ADAP2: variants seen among roughly 807,000 people sequenced by gnomAD.
The protein encoded by ADAP2 is arf-GAP with dual PH domain-containing protein 2.
ADAP2 carries 42 observed loss-of-function variants against 54.9 expected under a neutral mutation model. The ratio of observed to expected loss-of-function variants is 0.77; its 90% CI spans 0.60 to 0.99. ADAP2 has a LOEUF of 0.99. Ranked by LOEUF, ADAP2 falls within the 50% of genes least tolerant of loss-of-function variation. ADAP2 has a pLI of 0.00. For missense variants in ADAP2, 429 were observed against 480.4 expected (o/e 0.89, Z 1.00); for synonymous variants, 177 against 180.1 (o/e 0.98, Z 0.14).
chr17:30,953,109 C>G (rs768057029), intron 7 of ADAP2, among the ~76,000 whole-genome samples, 179 bp from the exon 8 acceptor site: 1 of 152,124 alleles, frequency 6.6e-6, no homozygotes, highest in Non-Finnish European at 1.5e-5. Flanking sequence ...GGGGTGCTGT[C>G]GACTGGCTTT....
chr17:30,931,446 A>T (rs1911475038), intron 3 of ADAP2, among the ~76,000 whole-genome samples: 4 of 152,164 alleles, frequency 2.6e-5, no homozygotes, highest in Admixed American at 1.3e-4. Context: ...CCCGAATGTT[A>T]ACAGTACTGA....
chr17:30,945,189 C>T, intron 6 of ADAP2, 136 bp downstream of exon 6: 1 of 1,014,530 alleles, frequency 9.9e-7, no homozygotes, highest in East Asian at 2.6e-5. Flanking sequence ...TTGCCTTAAT[C>T]TATCATTGCC....
intron 5 of ADAP2, among the ~76,000 whole-genome samples, chr17:30,940,526 A>G (rs1035983994): frequency 6.6e-6 from 1 of 152,068 alleles, no homozygotes; most frequent in Admixed American, 6.6e-5. Flanking sequence ...GCTGGTCTCG[A>G]ACTCCTGACC....
At chr17:30,935,562 G>C (rs1457766491) in intron 5 of ADAP2, among the ~76,000 whole-genome samples, 1 of 152,100 alleles carries the variant, frequency 6.6e-6, no homozygotes, top group Non-Finnish European at 1.5e-5. Flanking sequence ...GGGAGGAACA[G>C]TATGTGCAGA....
chr17:30,957,776 C>T, intron 10 of ADAP2, 59 bp from the exon 11 acceptor site: 1 of 1,554,496 alleles, frequency 6.4e-7, no homozygotes, highest in Non-Finnish European at 8.9e-7. Flanking sequence ...CTGTCCCTCT[C>T]CTCCACAGGA....
At chr17:30,946,460 C>A (rs11868597) in intron 6 of ADAP2, among the ~76,000 whole-genome samples, 20,426 of 152,042 alleles carry the variant, frequency 0.13, 4,273 homozygotes, top group African/African-American at 0.45. Flanking sequence ...CTCAAGTGAT[C>A]TGCCCACCTT....
intron 10 of ADAP2, chr17:30,956,784 C>G: frequency 5.1e-6 from 2 of 389,800 alleles, no homozygotes; most frequent in South Asian, 5.4e-5. Context: ...TTCCCTCCAC[C>G]GTGCTCTATG....
intron 10 of ADAP2, chr17:30,956,979 G>GCTT (rs1905123329): frequency 6.3e-6 from 1 of 158,706 alleles, no homozygotes; most frequent in Non-Finnish European, 1.4e-5. Flanking sequence ...TACCAGTAGG[G>GCTT]CTTCCTCAAT....
intron 7 of ADAP2, among the ~76,000 whole-genome samples, chr17:30,949,868 C>T (rs1026283623): frequency 3.3e-5 from 5 of 152,092 alleles, no homozygotes; most frequent in Non-Finnish European, 5.9e-5. Flanking sequence ...GGGGAGCCTG[C>T]GGGGGTTACA....
chr17:30,957,405 TC>T (rs753513569), intron 10 of ADAP2, among the ~76,000 whole-genome samples: 1 of 151,896 alleles, frequency 6.6e-6, no homozygotes, highest in Admixed American at 6.6e-5. Flanking sequence ...TTATTCTGGC[TC>T]CCTCTGTCTT....
In ADAP2 at chr17:30,949,276, T is replaced by A; in HGVS notation, c.658-11T>A. On this transcript the variant is annotated splice_polypyrimidine_tract_variant and intron_variant, in intron 6 of 10. Transcript: ENST00000330889. The stretch of plus-strand genomic sequence containing the variant: ...CTGCTGTGTGTGTGTCCTGTGCACT[T>A]CTCTCCGCAGGAGATAGTGGACTGG... 3 of 1,613,380 alleles carry A rather than the reference T, an allele frequency of 1.9e-6. No individual in the cohort carries two copies. The highest frequency in any genetic ancestry group is 2.5e-6 in the Non-Finnish European group (3 of 1,179,324).
chr17:30,954,447 C>G, intron 8 of ADAP2, 31 bp from the exon 9 acceptor site: 4 of 1,602,736 alleles, frequency 2.5e-6, no homozygotes, highest in Non-Finnish European at 3.4e-6. Flanking sequence ...CTGACCTGGT[C>G]ATCTGTGGTA....
intron 10 of ADAP2, among the ~76,000 whole-genome samples, chr17:30,957,426 T>G (rs1905157206): frequency 1.3e-5 from 2 of 151,682 alleles, no homozygotes; most frequent in African/African-American, 2.4e-5. Flanking sequence ...TTGTGTTTTT[T>G]TTTTTAATTT....
At chr17:30,952,788 G>A (rs559403007) in intron 7 of ADAP2, among the ~76,000 whole-genome samples, 10 of 152,264 alleles carry the variant, frequency 6.6e-5, no homozygotes, top group African/African-American at 2.2e-4. Context: ...GTAGTGGTAG[G>A]AGTACAGTCT....
Position 30,958,753 on chromosome 17 carries a change from G to A in ADAP2, c.*884G>A, listed in dbSNP as rs1249946658. Reference sequence around the variant, plus strand: ...AAGAAAAAAAAATTAGCTGGACATGGTAATGAATGCCTGTAGTCCCAGCTA... The same window carrying A: ...AAGAAAAAAAAATTAGCTGGACATGATAATGAATGCCTGTAGTCCCAGCTA... On this transcript the variant is annotated 3_prime_UTR_variant, in exon 11 of 11. Coordinates refer to ENST00000330889, the MANE Select transcript of ADAP2 (RefSeq NM_018404.3). The A allele has an allele frequency of 6.6e-6, 1 of 152,186 alleles. No homozygotes were observed. The highest frequency in any genetic ancestry group is 1.9e-4 in the East Asian group (1 of 5,182). The allele number at this position is 152,186 out of a possible 1,614,324, so 9.4% of individuals were successfully genotyped here. A position where few individuals can be genotyped will look rare whatever the true frequency, so the allele number is the denominator to read the frequency against.
At chr17:30,928,587 C>G (rs1911245037) in intron 3 of ADAP2, among the ~76,000 whole-genome samples, 1 of 152,204 alleles carries the variant, frequency 6.6e-6, no homozygotes, top group African/African-American at 2.4e-5. Flanking sequence ...TTTCAACAAC[C>G]CTACAAGTAC....
intron 7 of ADAP2, among the ~76,000 whole-genome samples, chr17:30,950,752 G>A (rs755011190): frequency 6.6e-6 from 1 of 152,164 alleles, no homozygotes; most frequent in Non-Finnish European, 1.5e-5. Flanking sequence ...AGCAAGGCCC[G>A]AGTCAGAGCC....
chr17:30,946,047 C>G (rs1204004542), intron 6 of ADAP2, among the ~76,000 whole-genome samples: 1 of 149,734 alleles, frequency 6.7e-6, no homozygotes, highest in Non-Finnish European at 1.5e-5. Flanking sequence ...CCCAGCTACT[C>G]AGGAGGCGGA....
chr17:30,926,697 G>A, intron 2 of ADAP2, 130 bp from the exon 3 acceptor site: 1 of 752,356 alleles, frequency 1.3e-6, no homozygotes, highest in Non-Finnish European at 2.3e-6. Context: ...CAGTATGGAT[G>A]ACCAAGCCCG....
Sources: allele counts gnomAD v4.1 joint callset (sites outside exome capture counted in the v4.1 genomes callset), GRCh38; gene constraint gnomAD v4.1.1; transcripts MANE v1.5; gene names NCBI Gene and HGNC (gene_info 2026-07-23, HGNC 2026-07-21).